Variants in CCDC9 observed in about 807,000 individuals in gnomAD.
The protein encoded by CCDC9 is coiled-coil domain-containing protein 9.
In CCDC9, 52 loss-of-function variants were observed where a neutral mutation model predicts 65.6. That is an observed-to-expected ratio of 0.79 (90% CI 0.63 to 1.00). The LOEUF (loss-of-function observed/expected upper bound fraction) is 1.00, where lower values mean the gene tolerates loss of function less well. CCDC9 is among the 50% of genes least tolerant of loss of function. The pLI is 0.00. For missense variants in CCDC9, 834 were observed against 757.2 expected, an observed-to-expected ratio of 1.10 and a Z score of -1.19; for synonymous variants, 332 against 280.3, an observed-to-expected ratio of 1.18 and a Z score of -1.84.
chr19:47,264,736 G>A (rs1006172532), intron 6 of CCDC9, 37 bp from the exon 7 acceptor site: 1 of 1,603,170 alleles, frequency 6.2e-7, no homozygotes, highest in Admixed American at 1.7e-5. Context: ...CTGGGCTGCG[G>A]GGAGCCCGCG....
In CCDC9 at chr19:47,266,700, G is replaced by A. The variant is rs199690358; in HGVS notation, c.810G>A (p.Glu270=). ...CGGAGTACCTGCGCTGGAAGCAGGA[G>A]AGGGAGAAGATCGACCAGGAGCGGC... ...ERSEYLRWKQ[E]REKIDQERLQ... Residue 270 remains glutamate, a synonymous_variant, in exon 8 of 12, where the codon GAG becomes GAA. Coordinates refer to ENST00000221922, the MANE Select transcript of CCDC9 (RefSeq NM_015603.3). The A allele has an allele frequency of 6.2e-7, 1 of 1,611,350 alleles. No individual in the cohort carries two copies. The highest frequency in any genetic ancestry group is 2.2e-5 in the East Asian group (1 of 44,758).
intron 3 of CCDC9, 44 bp downstream of exon 3, chr19:47,258,707 C>A: frequency 6.9e-7 from 1 of 1,455,060 alleles, no homozygotes; most frequent in Non-Finnish European, 9.7e-7. Flanking sequence ...CTCTCTTCCC[C>A]GCAGTGAGTT....
At position 47,271,497 on chromosome 19, in the gene CCDC9, G is replaced by T. The variant is rs1330213335; in HGVS notation, c.1415G>T (p.Ser472Ile). 1 of 1,612,906 alleles carries T rather than the reference G, an allele frequency of 6.2e-7. No individual in the cohort carries two copies. Among genetic ancestry groups the T allele is most frequent in the African/African-American group, 1.3e-5 (1 of 74,846 alleles). ...CSEQAHGVPF[S>I]PEEPLLEPQA... ...GAGCAGGCCCACGGAGTCCCCTTCA[G>T]TCCGGAGGAGCCCCTGCTGGAGCCC... The change falls in exon 12 of 12, where the codon AGT becomes ATT. Residue 472 changes from serine to isoleucine, a missense_variant. Transcript: ENST00000221922.
intron 7 of CCDC9, 74 bp downstream of exon 7, chr19:47,265,020 A>T (rs1454003263): frequency 8.0e-7 from 1 of 1,254,676 alleles, no homozygotes; most frequent in Non-Finnish European, 1.0e-6. Context: ...AACCAGACAG[A>T]TCAGGGCCAT....
chr19:47,265,879 G>A (rs531815208), intron 7 of CCDC9, among the ~76,000 whole-genome samples: 1 of 150,850 alleles, frequency 6.6e-6, no homozygotes, highest in Non-Finnish European at 1.5e-5. Flanking sequence ...GTAGAGATGG[G>A]GTTTCACCAT....
chr19:47,260,402 G>C lies in CCDC9; in HGVS notation c.190G>C (p.Glu64Gln). 2 of 1,607,764 alleles carry C rather than the reference G, an allele frequency of 1.2e-6. No individual in the cohort carries two copies. Residue 64 changes from glutamate to glutamine, a missense_variant, in exon 4 of 12, where the codon GAG becomes CAG. Transcript: ENST00000221922. ...CCGAAAGGGCCGCTCAGTGGAGAAG[G>C]AGAACGTGGCAGTGGAGTCGGTGAG... is the stretch of plus-strand genomic sequence containing the variant. Reference protein sequence around the residue: ...APRKGRSVEKENVAVESEKNL... With the variant: ...APRKGRSVEKQNVAVESEKNL...
At chr19:47,264,969 C>T (rs2059071621) in intron 7 of CCDC9, 23 bp downstream of exon 7, 26 of 1,431,382 alleles carry the variant, frequency 1.8e-5, no homozygotes, top group African/African-American at 2.9e-5. Context: ...AGTGAGGACA[C>T]CTCGGGGCTC....
downstream of CCDC9, chr19:47,274,938 G>A: frequency 1.5e-6 from 2 of 1,347,198 alleles, 1 homozygote; most frequent in South Asian, 3.8e-5. Flanking sequence ...GACCAGCTGC[G>A]TGGGCGGCGG....
rs1000302262 is a variant in CCDC9, at chr19:47,270,816, G to A, written c.1085+128G>A. The stretch of plus-strand genomic sequence containing the variant: ...TCTTTGTCTTGGCCCTGTCTATCTC[G>A]CAGGTCCGTGGTTTGAGGGGCTTGG... On this transcript the variant is annotated intron_variant, in intron 10 of 11. Coordinates refer to ENST00000221922, the MANE Select transcript of CCDC9 (RefSeq NM_015603.3). 1.1e-5 allele frequency: 13 copies of A among 1,148,216 alleles called. No individual in the cohort carries two copies. In the Admixed American group the frequency reaches 1.4e-4, roughly 12 times the overall value. The allele number at this position is 1,148,216 out of a possible 1,614,324, so 71.1% of individuals were successfully genotyped here. A position where few individuals can be genotyped will look rare whatever the true frequency, so the allele number is the denominator to read the frequency against.
In CCDC9 at chr19:47,262,906, T is replaced by C. The variant is rs553471463; in HGVS notation, c.463-1697T>C. Among the ~76,000 whole-genome samples the C allele has an allele frequency of 9.9e-5, 15 of 151,610 alleles. No homozygotes were observed. The East Asian group carries it at 1.8e-3, about 18-fold the overall frequency. Reference sequence around the variant, plus strand: ...TTTGAGACCAGGCTGGGCAACAGAGTGAGACCCCATCTCTATAAAAATTTT... The same window carrying C: ...TTTGAGACCAGGCTGGGCAACAGAGCGAGACCCCATCTCTATAAAAATTTT... On this transcript the variant is annotated intron_variant, in intron 5 of 11. Coordinates refer to ENST00000221922, the MANE Select transcript of CCDC9 (RefSeq NM_015603.3).
chr19:47,258,753 G>GCT, intron 3 of CCDC9, 90 bp downstream of exon 3: 1 of 925,586 alleles, frequency 1.1e-6, no homozygotes. Context: ...CCTTTTCATG[G>GCT]CTCCCCATCA....
chr19:47,271,002 C>A (rs963654540), intron 10 of CCDC9, 80 bp from the exon 11 acceptor site: 1 of 1,089,166 alleles, frequency 9.2e-7, no homozygotes, highest in South Asian at 1.4e-5. Flanking sequence ...CAGCTCCTCC[C>A]TAGGGAGGGT....
chr19:47,267,325 A>G (rs2059088844), intron 8 of CCDC9, among the ~76,000 whole-genome samples: 1 of 149,296 alleles, frequency 6.7e-6, no homozygotes, highest in Non-Finnish European at 1.5e-5. Flanking sequence ...CCCAGGCTGG[A>G]TGGAGTGCAG....
chr19:47,264,532 C>A (rs774499134), intron 5 of CCDC9, 71 bp from the exon 6 acceptor site: 6 of 1,426,810 alleles, frequency 4.2e-6, no homozygotes, highest in Non-Finnish European at 5.8e-6. Context: ...GCCTGCTGGG[C>A]AGCCCGTCTC....
chr19:47,271,390 C>T lies in CCDC9; in HGVS notation c.1308C>T (p.Ile436=), dbSNP rs780710438. The change falls in exon 12 of 12, where the codon ATC becomes ATT. Residue 436 remains isoleucine, a synonymous_variant. Coordinates refer to ENST00000221922, the MANE Select transcript of CCDC9 (RefSeq NM_015603.3). ...DISEDEEEEE[I]EVEEGDEEEP... ...GTGAGGATGAGGAAGAGGAGGAGAT[C>T]GAGGTGGAAGAAGGTGATGAGGAGG... 18 of 1,612,196 alleles carry T rather than the reference C, an allele frequency of 1.1e-5. No individual in the cohort carries two copies. The highest frequency in any genetic ancestry group is 6.7e-5 in the East Asian group (3 of 44,842).
At chr19:47,275,110 C>T, downstream of CCDC9, 1 of 1,493,890 alleles carries the variant, frequency 6.7e-7, no homozygotes, top group Non-Finnish European at 8.9e-7. Flanking sequence ...CCCGCGGCAC[C>T]CGCCGGCCCA....
Position 47,271,800 on chromosome 19 carries a change from C to T in CCDC9, c.*122C>T. 7 of 1,451,512 alleles carry T rather than the reference C, an allele frequency of 4.8e-6. No homozygotes were observed. Among genetic ancestry groups the T allele is most frequent in the Non-Finnish European group, 6.3e-6 (7 of 1,107,682 alleles). 89.9% of individuals were successfully genotyped at this position (1,451,512 alleles called of 1,614,324 possible). On this transcript the variant is annotated 3_prime_UTR_variant, in exon 12 of 12. Transcript: ENST00000221922. The stretch of plus-strand genomic sequence containing the variant: ...TGGTGGGGGACCCTTGGGGCTGGGC[C>T]CTGGGACCCAGTGTGCCCCACAGCC...
chr19:47,272,036 A>G (rs1600293937), downstream of CCDC9: 3 of 1,237,496 alleles, frequency 2.4e-6, no homozygotes, highest in Non-Finnish European at 3.0e-6. Flanking sequence ...GTCAGGCGGG[A>G]AAGGGGGCTT....
chr19:47,270,502 G>T (rs1301374802), intron 9 of CCDC9, 49 bp downstream of exon 9: 1 of 1,614,024 alleles, frequency 6.2e-7, no homozygotes, highest in African/African-American at 1.3e-5. Context: ...GGAGTCAGGG[G>T]TGGTGTGTGC....
Sources: allele counts gnomAD v4.1 joint callset (sites outside exome capture counted in the v4.1 genomes callset), GRCh38; gene constraint gnomAD v4.1.1; transcripts MANE v1.5; gene names NCBI Gene and HGNC (gene_info 2026-07-23, HGNC 2026-07-21).